DCAF6: variants seen among roughly 807,000 people sequenced by gnomAD.
The protein encoded by DCAF6 is DDB1 and CUL4 associated factor 6.
In DCAF6, 54 loss-of-function variants were observed where a neutral mutation model predicts 125.1. The ratio of observed to expected loss-of-function variants is 0.43; its 90% CI spans 0.35 to 0.54. The LOEUF is 0.54. Among genes scored for constraint, DCAF6 ranks in the 20% least tolerant of loss-of-function variants. The pLI is 0.01. For synonymous variants in DCAF6, 371 were observed against 390.4 expected, an observed-to-expected ratio of 0.95 and a Z score of 0.58; for missense variants, 934 against 1,161.7, an observed-to-expected ratio of 0.80 and a Z score of 2.85.
At chr1:168,005,250 T>C (rs541952574) in intron 10 of DCAF6, among the ~76,000 whole-genome samples, 2 of 152,240 alleles carry the variant, frequency 1.3e-5, no homozygotes, top group African/African-American at 2.4e-5. Flanking sequence ...GGATTTGATA[T>C]GGTCTTTTGT....
the DCAF6 span, chr1:167,901,637 G>GGGTCAA: frequency 6.2e-7 from 1 of 1,612,430 alleles, no homozygotes; most frequent in African/African-American, 1.3e-5. Flanking sequence ...GCTGCCGTAG[G>GGGTCAA]ATTTATTCCT....
intron 17 of DCAF6, among the ~76,000 whole-genome samples, chr1:168,057,006 T>C (rs1430246089): frequency 2.0e-5 from 3 of 152,230 alleles, no homozygotes; most frequent in African/African-American, 7.2e-5. Context: ...CATGGTACAG[T>C]ATCCTTTATA....
chr1:167,885,830 G>C, the DCAF6 span, among the ~76,000 whole-genome samples: 1 of 152,190 alleles, frequency 6.6e-6, no homozygotes, highest in South Asian at 2.1e-4. Flanking sequence ...TGGCCAGGCT[G>C]GTCTTGAACT....
At chr1:167,961,683 GT>G (rs1675628248) in intron 2 of DCAF6, among the ~76,000 whole-genome samples, 1 of 152,140 alleles carries the variant, frequency 6.6e-6, no homozygotes. Flanking sequence ...AGGACTTAAA[GT>G]ATGGTGTTGA....
At position 168,004,633 on chromosome 1, in the gene DCAF6, A is replaced by G. The variant is rs1043875444; in HGVS notation, c.1218A>G (p.Glu406=). The change falls in exon 10 of 22, where the codon GAA becomes GAG. Residue 406 remains glutamate, a synonymous_variant. Transcript: ENST00000367840. ...CAATGGAAGTAGATACTCCAGCTGA[A>G]CAATTTCTTCAGCCTTCTACATCCT... is the stretch of plus-strand genomic sequence containing the variant. The part of the protein sequence containing the change: ...ETAMEVDTPA[E]QFLQPSTSST... 3.7e-6 allele frequency: 6 copies of G among 1,613,680 alleles called. No individual in the cohort carries two copies. In the Admixed American group the frequency reaches 1.0e-4, roughly 27 times the overall value.
rs5778563 is a variant in DCAF6, at chr1:167,940,506, A to ATT, written c.97+3511_97+3512dup. 2.5e-4 allele frequency among the ~76,000 whole-genome samples: 36 copies of ATT among 146,208 alleles called. 1 individual carries two copies. The highest frequency in any genetic ancestry group is 7.2e-3 in the Middle Eastern group (2 of 278). ...CATCCTCCCACCTCAGCCTCCTGGA[A>ATT]TTTTTTTTTTTTTTAAAGAATAATT... is the stretch of plus-strand genomic sequence containing the variant. On this transcript the variant is annotated intron_variant, in intron 1 of 21. Coordinates refer to ENST00000367840, the MANE Select transcript of DCAF6 (RefSeq NM_001198956.2).
rs547356242 is a variant in DCAF6, at chr1:168,054,672, A to C, written c.2300+3739A>C. Among the ~76,000 whole-genome samples the C allele has an allele frequency of 5.6e-4, 86 of 152,350 alleles. 1 individual carries two copies. The highest frequency in any genetic ancestry group is 2.0e-3 in the African/African-American group (83 of 41,588). On this transcript the variant is annotated intron_variant, in intron 17 of 21. Coordinates refer to ENST00000367840, the MANE Select transcript of DCAF6 (RefSeq NM_001198956.2). ...CAAACATTTTAAAATTTATAATTTA[A>C]ATGTAAATTTCAGCTTCACCCTGTC...
At chr1:168,014,399 T>TA (rs1684685427) in intron 10 of DCAF6, among the ~76,000 whole-genome samples, 1 of 152,332 alleles carries the variant, frequency 6.6e-6, no homozygotes, top group African/African-American at 2.4e-5. Flanking sequence ...TTTTCCTTCT[T>TA]ACTCTTTCTA....
At chr1:168,009,372 TTCCTTC>T (rs1557970991) in intron 10 of DCAF6, among the ~76,000 whole-genome samples, 132 of 142,752 alleles carry the variant, frequency 9.2e-4, no homozygotes, top group African/African-American at 3.5e-3. Context: ...CCTTCCTTCC[TTCCTTC>T]CTTCCTTCCT....
the DCAF6 span, chr1:167,896,522 G>C: frequency 2.5e-6 from 3 of 1,202,876 alleles, no homozygotes; most frequent in Admixed American, 3.4e-5. Context: ...CAGTAATGAA[G>C]CTGTCGGCAT....
chr1:167,957,437 A>G (rs1201164816), intron 2 of DCAF6, among the ~76,000 whole-genome samples: 2 of 152,116 alleles, frequency 1.3e-5, no homozygotes, highest in Non-Finnish European at 2.9e-5. Context: ...TCAGTATTTC[A>G]TTCCTTTTTA....
intron 2 of DCAF6, among the ~76,000 whole-genome samples, chr1:167,953,048 G>A (rs535240460): frequency 3.3e-5 from 5 of 152,218 alleles, no homozygotes; most frequent in East Asian, 3.9e-4. Context: ...AGCCTAAAAA[G>A]CGATTGACAT....
At position 167,963,493 on chromosome 1, in the gene DCAF6, TAG is replaced by T. The variant is rs775218749; in HGVS notation, c.160-3133_160-3132del. Among the ~76,000 whole-genome samples the T allele has an allele frequency of 1.6e-3, 234 of 148,968 alleles. No individual in the cohort carries two copies. The Middle Eastern group carries it at 0.017, about 11-fold the overall frequency. ...TCTCACTCTGCCACCCAGGCTGGAG[TAG>T]AGTGGTTCAATCTCAGCTCACTGCT... is the stretch of plus-strand genomic sequence containing the variant. On this transcript the variant is annotated intron_variant, in intron 2 of 21. Transcript: ENST00000367840.
chr1:168,005,715 G>T (rs751808308), intron 10 of DCAF6, among the ~76,000 whole-genome samples: 6 of 152,108 alleles, frequency 3.9e-5, no homozygotes, highest in Non-Finnish European at 8.8e-5. Flanking sequence ...GGAAACTGAT[G>T]CCAGATTACC....
the DCAF6 span, chr1:167,883,524 GC>G: frequency 6.2e-7 from 1 of 1,614,210 alleles, no homozygotes; most frequent in Non-Finnish European, 8.5e-7. Flanking sequence ...GGATGGCTGG[GC>G]CTATCTCTTC....
chr1:168,039,559 G>T (rs991716110), intron 13 of DCAF6, among the ~76,000 whole-genome samples: 8 of 148,612 alleles, frequency 5.4e-5, no homozygotes, highest in Non-Finnish European at 8.9e-5. Flanking sequence ...TAATCTATTA[G>T]TTAATATATT....
the DCAF6 span, chr1:167,875,062 T>C: frequency 5.0e-6 from 6 of 1,208,972 alleles, no homozygotes; most frequent in Admixed American, 1.7e-5. Context: ...ACAGTTATCA[T>C]TGATGTACTT....
At chr1:167,935,177 G>A (rs1004661201), upstream of DCAF6, among the ~76,000 whole-genome samples, 1 of 152,074 alleles carries the variant, frequency 6.6e-6, no homozygotes, top group African/African-American at 2.4e-5. Context: ...CATAAATAAG[G>A]ATAGACTTAA....
the DCAF6 span, chr1:167,883,578 C>G: frequency 1.2e-6 from 2 of 1,614,214 alleles, no homozygotes; most frequent in East Asian, 2.2e-5. Flanking sequence ...CAAACACAAT[C>G]GTCACTGGGC....
Sources: gnomAD v4.1 joint callset for allele counts (sites outside exome capture counted in the v4.1 genomes callset) on GRCh38, gnomAD v4.1.1 for gene constraint, MANE v1.5 for transcripts, NCBI Gene and HGNC (gene_info 2026-07-23, HGNC 2026-07-21) for gene names.